CDH13: variants seen among roughly 807,000 people sequenced by gnomAD.
CDH13 encodes cadherin-13.
In CDH13, 24 loss-of-function variants were observed where a neutral mutation model predicts 63.8. The observed-to-expected ratio is 0.38, with a 90% CI of 0.27 to 0.53. CDH13 has a LOEUF of 0.53. Among genes scored for constraint, CDH13 ranks in the 20% least tolerant of loss-of-function variants. The pLI, the probability that CDH13 is intolerant of heterozygous loss-of-function variation, is 0.85. For synonymous variants in CDH13, 503 were observed against 355.3 expected, an observed-to-expected ratio of 1.42 and a Z score of -4.67; for missense variants, 1,049 against 903.1, an observed-to-expected ratio of 1.16 and a Z score of -2.07.
chr16:83,087,406 A>G (rs1362419130), intron 3 of CDH13, among the ~76,000 whole-genome samples: 1 of 152,156 alleles, frequency 6.6e-6, no homozygotes, highest in Non-Finnish European at 1.5e-5. Flanking sequence ...ACGGTGGCTC[A>G]CGCCTGTAAT....
Position 83,670,895 on chromosome 16 carries a change from A to G in CDH13, c.1207A>G (p.Ile403Val). ...TGAWRAAYTI[I>V]NGNPGQSFEI... ...TGCATGGAGGGCTGCCTACACCATC[A>G]TCAACGGAAACCCCGGGCAGAGCTT... The change falls in exon 9 of 14, where the codon ATC becomes GTC. Residue 403 changes from isoleucine (I) to valine (V), a missense_variant. Ile to Val is a conservative substitution (Grantham distance 29, BLOSUM62 3). Transcript: ENST00000567109. The G allele has an allele frequency of 6.2e-7, 1 of 1,613,648 alleles. No individual in the cohort carries two copies. Among genetic ancestry groups the G allele is most frequent in the Non-Finnish European group, 8.5e-7 (1 of 1,179,640 alleles).
At chr16:83,403,521 G>A (rs866849041) in intron 6 of CDH13, among the ~76,000 whole-genome samples, 4 of 152,128 alleles carry the variant, frequency 2.6e-5, no homozygotes, top group Admixed American at 6.5e-5. Flanking sequence ...CACTCAGGAG[G>A]CTGAGACAGG....
intron 7 of CDH13, among the ~76,000 whole-genome samples, chr16:83,537,011 T>C (rs1567746615): frequency 1.3e-5 from 2 of 152,148 alleles, no homozygotes; most frequent in East Asian, 3.8e-4. Flanking sequence ...AAAGAGTGCA[T>C]TGAGAACTAA....
chr16:82,757,933 G>C (rs2034680490), intron 1 of CDH13, among the ~76,000 whole-genome samples: 1 of 152,284 alleles, frequency 6.6e-6, no homozygotes. Flanking sequence ...ACAGGCGTGA[G>C]TCACCGCACC....
chr16:82,726,206 A>C (rs1374307579), intron 1 of CDH13, among the ~76,000 whole-genome samples: 1 of 152,166 alleles, frequency 6.6e-6, no homozygotes, highest in Non-Finnish European at 1.5e-5. Context: ...AGACTGGTTG[A>C]CTGTATCCTG....
intron 2 of CDH13, among the ~76,000 whole-genome samples, chr16:82,957,898 G>A (rs775404388): frequency 1.4e-4 from 21 of 152,166 alleles, no homozygotes; most frequent in Non-Finnish European, 2.5e-4. Flanking sequence ...GCTGGAAAAT[G>A]TGCACTCATA....
chr16:83,447,073 AAC>A (rs1470975607), intron 6 of CDH13, among the ~76,000 whole-genome samples: 9,119 of 112,062 alleles, frequency 0.081, 930 homozygotes, highest in Non-Finnish European at 0.099. Flanking sequence ...AAAAAAAAAA[AAC>A]AAAAAACACC....
chr16:83,773,776 C>G (rs145182806), intron 11 of CDH13, among the ~76,000 whole-genome samples: 1 of 152,142 alleles, frequency 6.6e-6, no homozygotes, highest in African/African-American at 2.4e-5. Context: ...GCCTCAAACC[C>G]AGGGTGAGCA....
At chr16:83,466,433 C>T (rs1202880505) in intron 6 of CDH13, among the ~76,000 whole-genome samples, 1 of 152,244 alleles carries the variant, frequency 6.6e-6, no homozygotes, top group African/African-American at 2.4e-5. Context: ...GATAAGATTT[C>T]ACCTTCCTAT....
chr16:83,597,517 C>T (rs1383389623), intron 7 of CDH13, among the ~76,000 whole-genome samples: 1 of 152,146 alleles, frequency 6.6e-6, no homozygotes, highest in Non-Finnish European at 1.5e-5. Context: ...AGATAACTAT[C>T]AATATTTACC....
Position 83,181,921 on chromosome 16 carries a change from G to A in CDH13, c.484-35424G>A, listed in dbSNP as rs117315098. Among the ~76,000 whole-genome samples the A allele has an allele frequency of 3.2e-4, 48 of 152,226 alleles. 1 individual carries two copies. The highest frequency in any genetic ancestry group is 2.7e-3 in the South Asian group (13 of 4,826). On this transcript the variant is annotated intron_variant, in intron 4 of 13. Coordinates refer to ENST00000567109, the MANE Select transcript of CDH13 (RefSeq NM_001257.5). The stretch of plus-strand genomic sequence containing the variant: ...CTAGGTGGTGATTTGGAGCACAGGC[G>A]TCGGGCACAGAGACCCTGACTTAGA...
At chr16:82,784,055 T>C (rs758720039) in intron 1 of CDH13, among the ~76,000 whole-genome samples, 1 of 152,228 alleles carries the variant, frequency 6.6e-6, no homozygotes, top group Non-Finnish European at 1.5e-5. Flanking sequence ...TGCCCAGTGC[T>C]TGTTTTGAAT....
intron 8 of CDH13, among the ~76,000 whole-genome samples, chr16:83,658,800 CAGGTCCCATATCCTCACCAGCA>C (rs1913146598): frequency 1.4e-5 from 2 of 140,724 alleles, no homozygotes; most frequent in Admixed American, 7.0e-5. Flanking sequence ...TCCTCACCAC[CAGGTCCCATATCCTCACCAGCA>C]AGGTCCCATG....
intron 5 of CDH13, among the ~76,000 whole-genome samples, chr16:83,281,150 A>G (rs1265752600): frequency 1.3e-5 from 2 of 152,244 alleles, no homozygotes; most frequent in Admixed American, 1.3e-4. Flanking sequence ...ATCTACACTG[A>G]AAATGTATTG....
chr16:83,605,474 G>A (rs1908240638), intron 8 of CDH13, among the ~76,000 whole-genome samples: 1 of 152,206 alleles, frequency 6.6e-6, no homozygotes, highest in Non-Finnish European at 1.5e-5. Context: ...ACATCCCACT[G>A]ACCAGCCATG....
intron 5 of CDH13, among the ~76,000 whole-genome samples, chr16:83,223,847 A>G (rs1251675660): frequency 6.6e-6 from 1 of 152,120 alleles, no homozygotes; most frequent in Non-Finnish European, 1.5e-5. Flanking sequence ...AATTTTTTTA[A>G]TTCCATGGGT....
intron 6 of CDH13, among the ~76,000 whole-genome samples, chr16:83,422,558 A>C (rs1221099751): frequency 2.0e-5 from 3 of 152,184 alleles, no homozygotes; most frequent in Non-Finnish European, 2.9e-5. Flanking sequence ...AATGTCTTGA[A>C]AGCTCTTTCT....
chr16:82,697,717 C>T (rs555538925), intron 1 of CDH13, among the ~76,000 whole-genome samples: 52 of 150,892 alleles, frequency 3.4e-4, no homozygotes, highest in South Asian at 1.0e-3. Flanking sequence ...CGTGAGCCAC[C>T]GCACCTGGCT....
intron 1 of CDH13, among the ~76,000 whole-genome samples, chr16:82,755,006 T>C (rs746597): frequency 0.047 from 7,226 of 152,296 alleles, 182 homozygotes; most frequent in Middle Eastern, 0.061. Context: ...ACTATTACCC[T>C]GGGAAACAAA....
Sources: gnomAD v4.1 joint callset for allele counts (sites outside exome capture counted in the v4.1 genomes callset) on GRCh38, gnomAD v4.1.1 for gene constraint, MANE v1.5 for transcripts, NCBI Gene and HGNC (gene_info 2026-07-23, HGNC 2026-07-21) for gene names.